Variants in CSMD3 observed in about 807,000 individuals in gnomAD.
CSMD3 encodes the protein CUB and sushi domain-containing protein 3.
CSMD3 carries 177 observed loss-of-function variants against 435.2 expected under a neutral mutation model. That is an observed-to-expected ratio of 0.41 (90% CI 0.36 to 0.46). CSMD3 has a LOEUF of 0.46. CSMD3 is among the 20% of genes least tolerant of loss of function. CSMD3 has a pLI of 0.34. For missense variants in CSMD3, 4,265 were observed against 4,504.6 expected (o/e 0.95, Z 1.52); for synonymous variants, 1,656 against 1,520.5 (o/e 1.09, Z -2.07).
At chr8:113,095,526 A>T (rs539065582) in intron 5 of CSMD3, among the ~76,000 whole-genome samples, 1 of 152,270 alleles carries the variant, frequency 6.6e-6, no homozygotes, top group South Asian at 2.1e-4. Flanking sequence ...TTATTTTATT[A>T]GCTTATCATT....
chr8:112,355,765 G>A (rs12675203), intron 38 of CSMD3, among the ~76,000 whole-genome samples: 31,123 of 151,794 alleles, frequency 0.21, 3,983 homozygotes, highest in Middle Eastern at 0.37. Context: ...CCCAGGAGGC[G>A]GAGCTTGCAG....
chr8:112,243,517 T>C (rs1712354250), intron 65 of CSMD3, among the ~76,000 whole-genome samples: 1 of 152,030 alleles, frequency 6.6e-6, no homozygotes, highest in Non-Finnish European at 1.5e-5. Context: ...CCAGATCTGG[T>C]CCAAATATTA....
intron 3 of CSMD3, among the ~76,000 whole-genome samples, chr8:113,183,302 G>A (rs1406823337): frequency 2.0e-5 from 3 of 152,040 alleles, no homozygotes; most frequent in Non-Finnish European, 4.4e-5. Context: ...TTGACAACCA[G>A]AGTTTTGCAG....
At chr8:113,158,915 C>T (rs894245453) in intron 4 of CSMD3, among the ~76,000 whole-genome samples, 3 of 151,838 alleles carry the variant, frequency 2.0e-5, no homozygotes, top group African/African-American at 4.8e-5. Flanking sequence ...ATAAACAAGA[C>T]GGTGCCAAAT....
intron 28 of CSMD3, among the ~76,000 whole-genome samples, chr8:112,515,111 G>C (rs1187339497): frequency 1.3e-5 from 2 of 151,838 alleles, no homozygotes; most frequent in African/African-American, 4.8e-5. Context: ...ATGGAAATTT[G>C]TAATAGCAGA....
chr8:112,902,400 C>T (rs2082128944), intron 10 of CSMD3, among the ~76,000 whole-genome samples: 2 of 151,218 alleles, frequency 1.3e-5, no homozygotes, highest in Non-Finnish European at 3.0e-5. Context: ...CAAAATGCAT[C>T]CAGCCCAGTC....
At chr8:112,428,997 CCAGT>C (rs1284020528) in intron 32 of CSMD3, among the ~76,000 whole-genome samples, 2 of 151,912 alleles carry the variant, frequency 1.3e-5, no homozygotes, top group African/African-American at 4.8e-5. Context: ...ATTGTTGAAC[CCAGT>C]CAACTAGCAT....
intron 18 of CSMD3, among the ~76,000 whole-genome samples, chr8:112,654,394 G>C (rs1182626180): frequency 6.6e-6 from 1 of 152,152 alleles, no homozygotes; most frequent in Non-Finnish European, 1.5e-5. Flanking sequence ...AATAAAATGA[G>C]AGAAGGTGAT....
intron 7 of CSMD3, among the ~76,000 whole-genome samples, chr8:112,955,033 A>G (rs1477111182): frequency 6.6e-6 from 1 of 151,614 alleles, no homozygotes; most frequent in Non-Finnish European, 1.5e-5. Flanking sequence ...CCAGATTTTT[A>G]TATAAAAGTG....
At chr8:112,458,475 T>C (rs1586391530) in intron 32 of CSMD3, among the ~76,000 whole-genome samples, 1 of 152,212 alleles carries the variant, frequency 6.6e-6, no homozygotes, top group East Asian at 1.9e-4. Flanking sequence ...TGTAGTAGTT[T>C]GAAATAAACT....
At chr8:112,456,163 A>G (rs1278417490) in intron 32 of CSMD3, among the ~76,000 whole-genome samples, 1 of 152,182 alleles carries the variant, frequency 6.6e-6, no homozygotes. Flanking sequence ...TAGAAGAAAA[A>G]TGAGCAGTAG....
rs371683412 is a variant in CSMD3, at chr8:112,843,152, T to C, written c.1756-13363A>G. On this transcript the variant is annotated intron_variant, in intron 11 of 70. Transcript: ENST00000297405. ...CTCTGTGCTTTTGTTTACAAAAACA[T>C]TGATTAGAAGAATGATGATCACACT... 4.5e-4 allele frequency among the ~76,000 whole-genome samples: 69 copies of C among 151,936 alleles called. No homozygotes were observed. The South Asian group carries it at 0.014, about 31-fold the overall frequency.
intron 13 of CSMD3, among the ~76,000 whole-genome samples, chr8:112,762,755 T>C (rs1453845764): frequency 6.6e-6 from 1 of 151,900 alleles, no homozygotes; most frequent in African/African-American, 2.4e-5. Context: ...AGAAAGCATA[T>C]AATAGGGATA....
intron 4 of CSMD3, among the ~76,000 whole-genome samples, chr8:113,163,324 T>C (rs2092081439): frequency 6.6e-6 from 1 of 151,970 alleles, no homozygotes; most frequent in East Asian, 1.9e-4. Flanking sequence ...AAAAAAAAAT[T>C]TGATGGAAGA....
In CSMD3 at chr8:112,829,688, T is replaced by A. The variant is rs1204753017; in HGVS notation, c.1857A>T (p.Gln619His). Reference sequence around the variant, plus strand: ...AAAATGAAACATTGGGAACTTACACTTGGAGCACTGTCCTAGGATCTCCAA... The same window carrying A: ...AAAATGAAACATTGGGAACTTACACATGGAGCACTGTCCTAGGATCTCCAA... ...GEVGDPRTVL[Q>H]VLTGSFVPDL... Residue 619 changes from glutamine (Q) to histidine (H), a missense_variant and splice_region_variant, in exon 12 of 71, where the codon CAA becomes CAT. Around this residue, in one of 3 missense-constraint regions of CSMD3, gnomAD observed 731 missense variants for 755.4 expected, o/e 0.97. Transcript: ENST00000297405. 1.3e-6 allele frequency: 2 copies of A among 1,590,756 alleles called. No homozygotes were observed. The highest frequency in any genetic ancestry group is 1.7e-6 in the Non-Finnish European group (2 of 1,158,788).
At chr8:113,079,987 G>A (rs2089491986) in intron 5 of CSMD3, among the ~76,000 whole-genome samples, 1 of 152,072 alleles carries the variant, frequency 6.6e-6, no homozygotes, top group Non-Finnish European at 1.5e-5. Flanking sequence ...TCTAAGTTGA[G>A]ATGCTCTTTT....
Position 113,397,625 on chromosome 8 carries a change from G to A in CSMD3, c.178+39052C>T, listed in dbSNP as rs574182395. Reference sequence around the variant, plus strand: ...AGGTCAGGAGATCAAGACCATCCTGGCTAACACGGTGAAACCCCGTCTCTA... The same window carrying A: ...AGGTCAGGAGATCAAGACCATCCTGACTAACACGGTGAAACCCCGTCTCTA... On this transcript the variant is annotated intron_variant, in intron 1 of 70. Transcript: ENST00000297405. 9.9e-5 allele frequency among the ~76,000 whole-genome samples: 15 copies of A among 151,936 alleles called. No homozygotes were observed. In the East Asian group the frequency reaches 2.7e-3, roughly 28 times the overall value.
At chr8:113,372,932 C>T (rs1197914352) in intron 1 of CSMD3, among the ~76,000 whole-genome samples, 2 of 115,720 alleles carry the variant, frequency 1.7e-5, no homozygotes, top group South Asian at 6.2e-4. Flanking sequence ...CAGAGCGAGA[C>T]TCCGTCTCAA....
At chr8:112,899,362 A>C (rs1431969245) in intron 10 of CSMD3, among the ~76,000 whole-genome samples, 3 of 150,660 alleles carry the variant, frequency 2.0e-5, no homozygotes, top group African/African-American at 7.3e-5. Context: ...ATATTGGTCT[A>C]TATCTTTTGA....
Sources: allele counts gnomAD v4.1 joint callset (sites outside exome capture counted in the v4.1 genomes callset), GRCh38; gene constraint gnomAD v4.1.1; regional missense constraint gnomAD v4.1.1; transcripts MANE v1.5; gene names NCBI Gene and HGNC (gene_info 2026-07-23, HGNC 2026-07-21).